The following CHIC2 variants were observed in gnomAD, a reference collection of about 807,000 sequenced individuals.
The protein encoded by CHIC2 is cysteine rich hydrophobic domain 2, also known as cysteine-rich hydrophobic domain-containing protein 2.
CHIC2 carries 14 observed loss-of-function variants against 25.9 expected under a neutral mutation model. The ratio of observed to expected loss-of-function variants is 0.54; its 90% CI spans 0.36 to 0.85. The LOEUF (loss-of-function observed/expected upper bound fraction) is 0.85, where lower values mean the gene tolerates loss of function less well. Among genes scored for constraint, CHIC2 ranks in the 40% least tolerant of loss-of-function variants. The probability of loss-of-function intolerance (pLI) is 0.01; values close to 1 mark genes in which losing one functional copy is unlikely to be tolerated. For missense variants in CHIC2, 146 were observed against 202.0 expected (o/e 0.72, Z 1.68); for synonymous variants, 70 against 72.0 (o/e 0.97, Z 0.14).
chr4:54,042,760 GA>G (rs1004451504), intron 3 of CHIC2, among the ~76,000 whole-genome samples: 5 of 149,012 alleles, frequency 3.4e-5, no homozygotes, highest in Admixed American at 3.3e-4. Flanking sequence ...TGAGAATGAT[GA>G]AAAAAAAAGA....
In CHIC2 at chr4:54,010,061, C is replaced by T. The variant is rs1226720798; in HGVS notation, c.*34G>A. 1.3e-6 allele frequency: 2 copies of T among 1,495,114 alleles called. No homozygotes were observed. The highest frequency in any genetic ancestry group is 4.6e-5 in the East Asian group (2 of 43,748). The allele number at this position is 1,495,114 out of a possible 1,614,324, so 92.6% of individuals were successfully genotyped here. ...AAGCAAGGCACCATTGGAAAGACAA[C>T]ATACTTGGAAAGTCTCTATAAATAA... On this transcript the variant is annotated 3_prime_UTR_variant, in exon 6 of 6. Coordinates refer to ENST00000263921, the MANE Select transcript of CHIC2 (RefSeq NM_012110.4).
chr4:54,020,125 T>A (rs1466301833), intron 3 of CHIC2, among the ~76,000 whole-genome samples: 1 of 152,208 alleles, frequency 6.6e-6, no homozygotes, highest in Non-Finnish European at 1.5e-5. Flanking sequence ...CCCTGTGACC[T>A]GCACGTATAC....
the CHIC2 span, among the ~76,000 whole-genome samples, chr4:54,085,283 T>C: frequency 6.6e-6 from 1 of 152,242 alleles, no homozygotes; most frequent in Admixed American, 6.5e-5. Context: ...TATGATAAAT[T>C]CTTGCCTTAA....
At chr4:54,047,177 A>G (rs11941565) in intron 3 of CHIC2, among the ~76,000 whole-genome samples, 41,365 of 152,076 alleles carry the variant, frequency 0.27, 6,473 homozygotes, top group Middle Eastern at 0.4. Flanking sequence ...GTGGAGAAAT[A>G]GGAACACTTT....
chr4:54,042,316 T>C lies in CHIC2; in HGVS notation c.330+6639A>G, dbSNP rs147641024. ...ACTACAATGCTAAATGAAATGTACT[T>C]TCAGAAACTACAGATTAAACTAGCT... On this transcript the variant is annotated intron_variant, in intron 3 of 5. Coordinates refer to ENST00000263921, the MANE Select transcript of CHIC2 (RefSeq NM_012110.4). Among the ~76,000 whole-genome samples the C allele has an allele frequency of 4.9e-3, 752 of 152,276 alleles. 5 individuals are homozygous for C. The highest frequency in any genetic ancestry group is 0.017 in the African/African-American group (687 of 41,556).
rs1553886716 is a variant in CHIC2, at chr4:54,049,306, C to T, written c.120-1G>A. 1 of 1,573,098 alleles carries T rather than the reference C, an allele frequency of 6.4e-7. No homozygotes were observed. ...TTCAAATTTGTTGCTCAGTCCAAAT[C>T]TATTTTAAAAAATAAGAAGAATATG... On this transcript the variant is annotated splice_acceptor_variant, in intron 1 of 5. Coordinates refer to ENST00000263921, the MANE Select transcript of CHIC2 (RefSeq NM_012110.4). LOFTEE classifies it high-confidence loss of function.
At chr4:54,040,471 C>CGGGCAGATCACCTGA (rs1303021745) in intron 3 of CHIC2, among the ~76,000 whole-genome samples, 4 of 151,836 alleles carry the variant, frequency 2.6e-5, no homozygotes, top group Non-Finnish European at 5.9e-5. Context: ...GAGGCCGAAG[C>CGGGCAGATCACCTGA]GGGCAGATCA....
upstream of CHIC2, chr4:54,065,454 A>C (rs1717494114): frequency 3.7e-6 from 1 of 268,396 alleles, no homozygotes; most frequent in Non-Finnish European, 5.7e-6. Context: ...GAAAGGGCAG[A>C]GGAGAGGAAG....
chr4:54,030,379 C>G (rs1716187979), intron 3 of CHIC2, among the ~76,000 whole-genome samples: 1 of 151,414 alleles, frequency 6.6e-6, no homozygotes. Flanking sequence ...TTAAATTGGC[C>G]AGGCATGGTG....
chr4:54,053,427 G>A (rs1717070618), intron 1 of CHIC2, among the ~76,000 whole-genome samples: 1 of 152,014 alleles, frequency 6.6e-6, no homozygotes, highest in African/African-American at 2.4e-5. Flanking sequence ...GTGGTGGTGG[G>A]CACCTGTAAT....
At chr4:54,063,137 A>G (rs1256898829) in intron 1 of CHIC2, among the ~76,000 whole-genome samples, 2 of 152,248 alleles carry the variant, frequency 1.3e-5, no homozygotes, top group African/African-American at 4.8e-5. Flanking sequence ...AGTTATTCAC[A>G]GCACATCCCA....
the CHIC2 span, among the ~76,000 whole-genome samples, chr4:54,091,607 G>A: frequency 1.3e-5 from 2 of 152,172 alleles, no homozygotes; most frequent in Non-Finnish European, 2.9e-5. Context: ...TGGGTGATGG[G>A]TGCACCAAAA....
At chr4:54,027,005 TA>T (rs1176123090) in intron 3 of CHIC2, among the ~76,000 whole-genome samples, 1 of 152,200 alleles carries the variant, frequency 6.6e-6, no homozygotes, top group Non-Finnish European at 1.5e-5. Flanking sequence ...TCTTAGCCAC[TA>T]ACAAGGCTAT....
intron 1 of CHIC2, among the ~76,000 whole-genome samples, chr4:54,050,680 C>T (rs1006158448): frequency 3.9e-5 from 6 of 152,032 alleles, no homozygotes; most frequent in African/African-American, 1.2e-4. Flanking sequence ...TTATAACTGC[C>T]TACAATACAC....
upstream of CHIC2, chr4:54,065,443 A>G (rs1423887460): frequency 3.0e-6 from 1 of 331,968 alleles, no homozygotes; most frequent in Non-Finnish European, 4.3e-6. Flanking sequence ...AAGACCTGAA[A>G]GAAAGGGCAG....
the CHIC2 span, among the ~76,000 whole-genome samples, chr4:54,088,200 A>G: frequency 6.6e-6 from 1 of 152,088 alleles, no homozygotes; most frequent in African/African-American, 2.4e-5. Context: ...CTTTTTTTTA[A>G]TGATGCTTGA....
chr4:54,046,865 C>T (rs1716842864), intron 3 of CHIC2, among the ~76,000 whole-genome samples: 1 of 152,154 alleles, frequency 6.6e-6, no homozygotes, highest in East Asian at 1.9e-4. Context: ...AACAGGCAAC[C>T]TACAGAATGG....
intron 3 of CHIC2, among the ~76,000 whole-genome samples, chr4:54,023,842 G>A (rs796993962): frequency 2.6e-5 from 4 of 152,142 alleles, no homozygotes; most frequent in African/African-American, 9.7e-5. Context: ...CTGCACCACC[G>A]TGCTGTTATA....
the CHIC2 span, among the ~76,000 whole-genome samples, chr4:54,080,013 T>G: frequency 6.6e-6 from 1 of 151,624 alleles, no homozygotes. Context: ...TCAAACAAAA[T>G]GAAATCGGTA....
Sources: gnomAD v4.1 joint callset for allele counts (sites outside exome capture counted in the v4.1 genomes callset) on GRCh38, gnomAD v4.1.1 for gene constraint, MANE v1.5 for transcripts, NCBI Gene and HGNC (gene_info 2026-07-23, HGNC 2026-07-21) for gene names.